Variants in GTF2E2 observed in about 807,000 individuals in gnomAD.
GTF2E2 encodes general transcription factor IIE subunit 2.
GTF2E2 carries 21 observed loss-of-function variants against 40.5 expected under a neutral mutation model. The ratio of observed to expected loss-of-function variants is 0.52; its 90% confidence interval spans 0.37 to 0.75. GTF2E2 has a LOEUF of 0.75. GTF2E2 is among the 30% of genes least tolerant of loss of function. The pLI is 0.00. For synonymous variants in GTF2E2, 117 were observed against 121.6 expected, an observed-to-expected ratio of 0.96 and a Z score of 0.25; for missense variants, 298 against 338.4, an observed-to-expected ratio of 0.88 and a Z score of 0.94.
At chr8:30,614,954 T>G (rs1046356440) in intron 3 of GTF2E2, among the ~76,000 whole-genome samples, 6 of 151,818 alleles carry the variant, frequency 4.0e-5, no homozygotes, top group Non-Finnish European at 8.8e-5. Context: ...AAGAGCTATA[T>G]TCTTCCTAAC....
In GTF2E2 at chr8:30,599,987, A is replaced by C. The variant is rs180764062; in HGVS notation, c.643+7070T>G. On this transcript the variant is annotated intron_variant, in intron 6 of 7. Transcript: ENST00000355904. ...ACAAAGCGAGACTCTGTCTCAAAAA[A>C]TAAATAAATAAATAATGATCTAAAA... 3.2e-4 allele frequency among the ~76,000 whole-genome samples: 48 copies of C among 152,310 alleles called. 1 individual carries two copies. The highest frequency in any genetic ancestry group is 6.8e-3 in the Middle Eastern group (2 of 294).
chr8:30,638,113 T>C (rs1427366918), intron 2 of GTF2E2, among the ~76,000 whole-genome samples: 2 of 152,000 alleles, frequency 1.3e-5, no homozygotes, highest in African/African-American at 4.8e-5. Context: ...TCCTCCTAAA[T>C]CAAACCACCA....
intron 3 of GTF2E2, among the ~76,000 whole-genome samples, chr8:30,630,576 T>C (rs1346464088): frequency 6.6e-6 from 1 of 152,182 alleles, no homozygotes; most frequent in African/African-American, 2.4e-5. Context: ...AATGTACTTC[T>C]TCCCTTTCAA....
At chr8:30,642,296 CAA>C (rs33951211) in intron 2 of GTF2E2, among the ~76,000 whole-genome samples, 4 of 129,896 alleles carry the variant, frequency 3.1e-5, no homozygotes, top group Non-Finnish European at 4.9e-5. Context: ...GGAGAAAAGC[CAA>C]AAAAAAAAAA....
At chr8:30,648,735 C>G (rs546600027) in intron 2 of GTF2E2, among the ~76,000 whole-genome samples, 1 of 152,334 alleles carries the variant, frequency 6.6e-6, no homozygotes, top group East Asian at 1.9e-4. Context: ...GCTCTGCCAG[C>G]CTGGGTCCTT....
At chr8:30,588,325 GTC>G (rs1828742227) in intron 6 of GTF2E2, among the ~76,000 whole-genome samples, 1 of 152,154 alleles carries the variant, frequency 6.6e-6, no homozygotes, top group Admixed American at 6.5e-5. Context: ...CAGTCTAAGT[GTC>G]TATCAACAGA....
At position 30,580,307 on chromosome 8, in the gene GTF2E2, T is replaced by C; in HGVS notation, c.733A>G (p.Met245Val). The change falls in exon 7 of 8, where the codon ATG becomes GTG. Residue 245 changes from methionine to valine, a missense_variant. Coordinates refer to ENST00000355904, the MANE Select transcript of GTF2E2 (RefSeq NM_002095.6). ...EYLKRQGISS[M>V]QESGPKKVAP... ...ACTTTCTTTGGTCCAGATTCCTGCA[T>C]GGAAGAAATACCCTGTCGCTTCAGA... 1 of 1,605,998 alleles carries C rather than the reference T, an allele frequency of 6.2e-7. No individual in the cohort carries two copies. Among genetic ancestry groups the C allele is most frequent in the South Asian group, 1.1e-5 (1 of 90,922 alleles).
At chr8:30,628,855 C>T (rs12156362) in intron 3 of GTF2E2, among the ~76,000 whole-genome samples, 53,315 of 151,190 alleles carry the variant, frequency 0.35, 10,412 homozygotes, top group South Asian at 0.55. Context: ...CGCTTGAACC[C>T]GGGAGGCGGA....
At chr8:30,641,811 G>A (rs944490782) in intron 2 of GTF2E2, among the ~76,000 whole-genome samples, 2 of 152,100 alleles carry the variant, frequency 1.3e-5, no homozygotes, top group African/African-American at 4.8e-5. Flanking sequence ...AGGATGCAGA[G>A]GTTGCAGTGA....
At chr8:30,589,411 A>G (rs896173425) in intron 6 of GTF2E2, among the ~76,000 whole-genome samples, 1 of 152,114 alleles carries the variant, frequency 6.6e-6, no homozygotes, top group African/African-American at 2.4e-5. Context: ...TTAAAATAAT[A>G]AATTGGCCAG....
chr8:30,648,488 T>C (rs1008834263), intron 2 of GTF2E2, among the ~76,000 whole-genome samples: 9 of 152,212 alleles, frequency 5.9e-5, no homozygotes, highest in African/African-American at 1.9e-4. Context: ...TAGCCTTTAG[T>C]TGTTACACCC....
At chr8:30,615,539 C>A (rs1156523385) in intron 3 of GTF2E2, among the ~76,000 whole-genome samples, 1 of 152,136 alleles carries the variant, frequency 6.6e-6, no homozygotes, top group East Asian at 1.9e-4. Context: ...TTCCACTACA[C>A]AGATGTTCAC....
intron 6 of GTF2E2, among the ~76,000 whole-genome samples, chr8:30,584,195 C>CA (rs1344341834): frequency 2.4e-4 from 33 of 136,730 alleles, no homozygotes; most frequent in Admixed American, 2.4e-3. Context: ...TGACTTGCTT[C>CA]CCTTTTTTTT....
chr8:30,610,673 A>ATT (rs1829454503), intron 5 of GTF2E2, among the ~76,000 whole-genome samples: 1 of 152,206 alleles, frequency 6.6e-6, no homozygotes, highest in Non-Finnish European at 1.5e-5. Context: ...TTGGACTCTT[A>ATT]CACCATATAC....
At chr8:30,590,539 A>G (rs1333949263) in intron 6 of GTF2E2, among the ~76,000 whole-genome samples, 1 of 152,216 alleles carries the variant, frequency 6.6e-6, no homozygotes, top group African/African-American at 2.4e-5. Context: ...CACCATAAAC[A>G]AAAACTCTAA....
At chr8:30,634,450 AAAAAG>A (rs1302750014) in intron 3 of GTF2E2, among the ~76,000 whole-genome samples, 1 of 152,208 alleles carries the variant, frequency 6.6e-6, no homozygotes, top group African/African-American at 2.4e-5. Flanking sequence ...TGTCTCAAAA[AAAAAG>A]AAAAGGGAAA....
rs764614723 is a variant in GTF2E2 at position 30,614,623 on chromosome 8, T to C, written c.351A>G (p.Gln117=). 23 of 1,567,486 alleles carry C rather than the reference T, an allele frequency of 1.5e-5. No homozygotes were observed. The highest frequency in any genetic ancestry group is 5.0e-5 in the Admixed American group (3 of 59,432). The change falls in exon 4 of 8, where the codon CAA becomes CAG. Residue 117 remains glutamine, a synonymous_variant. Coordinates refer to ENST00000355904, the MANE Select transcript of GTF2E2 (RefSeq NM_002095.6). ...AAATTCTTACCTCAGTCATTAGCCATTGTTTCTGCTTGAGTCCAATATCTA... is the reference window on the plus strand; with the variant it reads ...AAATTCTTACCTCAGTCATTAGCCACTGTTTCTGCTTGAGTCCAATATCTA... ...QHLDIGLKQK[Q]WLMTEALVNN... is the part of the protein sequence containing the mutation.
At chr8:30,617,207 A>G (rs1392050360) in intron 3 of GTF2E2, among the ~76,000 whole-genome samples, 1 of 152,204 alleles carries the variant, frequency 6.6e-6, no homozygotes, top group Non-Finnish European at 1.5e-5. Flanking sequence ...AAAACTAAAT[A>G]GCCACTTCGC....
At position 30,632,208 on chromosome 8, in the gene GTF2E2, C is replaced by T. The variant is rs1289092291; in HGVS notation, c.258+2824G>A. ...ATTTTTAATCTAACATGACAAGCAG[C>T]GCAGAAATGTTTAAATTATTACAAA... On this transcript the variant is annotated intron_variant, in intron 3 of 7. Transcript: ENST00000355904. Among the ~76,000 whole-genome samples, 4 of 152,160 alleles carry T rather than the reference C, an allele frequency of 2.6e-5. No individual in the cohort carries two copies. The South Asian group carries it at 6.2e-4, about 24-fold the overall frequency.
Sources: allele counts gnomAD v4.1 joint callset (sites outside exome capture counted in the v4.1 genomes callset), GRCh38; gene constraint gnomAD v4.1.1; transcripts MANE v1.5; gene names NCBI Gene and HGNC (gene_info 2026-07-23, HGNC 2026-07-21).